Variants in KAZN observed in about 807,000 individuals in gnomAD.
KAZN encodes the protein kazrin, periplakin interacting protein, also known as kazrin.
KAZN carries 40 observed loss-of-function variants against 87.4 expected under a neutral mutation model. The observed-to-expected ratio is 0.46, with a 90% CI of 0.36 to 0.60. The LOEUF (loss-of-function observed/expected upper bound fraction) is 0.60. Ranked by LOEUF, KAZN falls within the 20% of genes least tolerant of loss-of-function variation. KAZN has a pLI of 0.00. For missense variants in KAZN, 898 were observed against 1,073.9 expected (o/e 0.84, Z 2.29); for synonymous variants, 466 against 458.3 (o/e 1.02, Z -0.22).
intron 2 of KAZN, among the ~76,000 whole-genome samples, chr1:14,227,145 T>G (rs1647363379): frequency 6.6e-6 from 1 of 152,180 alleles, no homozygotes; most frequent in East Asian, 1.9e-4. Context: ...TTTGTGAGTA[T>G]GACAACCTCA....
chr1:14,765,629 C>T (rs1017211969), intron 1 of KAZN, among the ~76,000 whole-genome samples: 4 of 152,158 alleles, frequency 2.6e-5, no homozygotes, highest in African/African-American at 7.2e-5. Flanking sequence ...CTGGTGCCTG[C>T]GAATGGAGAA....
intron 1 of KAZN, among the ~76,000 whole-genome samples, chr1:14,672,498 T>C (rs1639974634): frequency 6.6e-6 from 1 of 152,172 alleles, no homozygotes; most frequent in Non-Finnish European, 1.5e-5. Flanking sequence ...CGAGGATCAT[T>C]GAAAGCTCAG....
At chr1:14,921,359 C>T (rs544586526) in intron 1 of KAZN, among the ~76,000 whole-genome samples, 26 of 152,248 alleles carry the variant, frequency 1.7e-4, no homozygotes, top group African/African-American at 6.0e-4. Context: ...TCCCTGGTGG[C>T]CAATGGGCTA....
chr1:14,829,298 T>C (rs1646987447), intron 1 of KAZN, among the ~76,000 whole-genome samples: 1 of 152,216 alleles, frequency 6.6e-6, no homozygotes, highest in African/African-American at 2.4e-5. Flanking sequence ...CTAGTGGATA[T>C]GAGAAATTGT....
At chr1:14,196,671 A>G (rs1294105481) in intron 2 of KAZN, among the ~76,000 whole-genome samples, 7 of 151,870 alleles carry the variant, frequency 4.6e-5, no homozygotes, top group Non-Finnish European at 1.0e-4. Flanking sequence ...ATGCTGGGAG[A>G]CCTCCAAGTA....
intron 1 of KAZN, among the ~76,000 whole-genome samples, chr1:14,139,462 A>T (rs2101760305): frequency 6.6e-6 from 1 of 152,366 alleles, no homozygotes. Flanking sequence ...TAGCTCAGAC[A>T]CTGCCTCTTT....
chr1:14,134,969 GCACACACACACACA>G (rs35930772), intron 1 of KAZN, among the ~76,000 whole-genome samples: 3 of 99,000 alleles, frequency 3.0e-5, no homozygotes, highest in South Asian at 3.4e-4. Flanking sequence ...ATATGCACCC[GCACACACACACACA>G]CACACACACA....
At chr1:13,899,994 A>G (rs973708323) in intron 1 of KAZN, among the ~76,000 whole-genome samples, 2 of 151,944 alleles carry the variant, frequency 1.3e-5, no homozygotes, top group African/African-American at 4.8e-5. Flanking sequence ...TAAGATATTG[A>G]CGCATCTGTT....
chr1:15,066,308 G>A lies in KAZN; in HGVS notation c.1222+555G>A, dbSNP rs570292487. On this transcript the variant is annotated intron_variant, in intron 8 of 14. Transcript: ENST00000376030. The surrounding 1 kb of genome is among the most constrained non-coding windows in gnomAD (Gnocchi z 4.3). ...CTACTCCTGGAGCCCGTCTGGCAGAGGATGTGGTCTGTTTTTGATGTCCCC... is the reference window on the plus strand; with the variant it reads ...CTACTCCTGGAGCCCGTCTGGCAGAAGATGTGGTCTGTTTTTGATGTCCCC... The A allele has an allele frequency of 3.3e-5, 33 of 986,020 alleles. No individual in the cohort carries two copies. In the African/African-American group the frequency reaches 5.4e-4, roughly 16 times the overall value. 61.1% of individuals were successfully genotyped at this position (986,020 alleles called of 1,614,324 possible).
intron 2 of KAZN, among the ~76,000 whole-genome samples, chr1:14,353,294 GGCTCACT>G (rs1194765807): frequency 2.7e-5 from 4 of 148,982 alleles, no homozygotes; most frequent in Non-Finnish European, 5.9e-5. Context: ...GCGCGATCTT[GGCTCACT>G]GCAAGCTCTG....
chr1:15,110,542 TA>T (rs1641562366), intron 13 of KAZN, among the ~76,000 whole-genome samples: 2 of 41,278 alleles, frequency 4.8e-5, no homozygotes, highest in African/African-American at 2.1e-4. Flanking sequence ...TGTGTGTGCA[TA>T]TGTGTTTGTG....
chr1:14,439,362 T>G (rs1666573055), intron 2 of KAZN, among the ~76,000 whole-genome samples: 1 of 152,166 alleles, frequency 6.6e-6, no homozygotes, highest in South Asian at 2.1e-4. Context: ...TGAGCCACCA[T>G]TAGTGATTGT....
At chr1:14,123,809 A>G (rs1644801653) in intron 1 of KAZN, among the ~76,000 whole-genome samples, 1 of 151,572 alleles carries the variant, frequency 6.6e-6, no homozygotes, top group Non-Finnish European at 1.5e-5. Flanking sequence ...TGGGTCAAAC[A>G]CACACCCCTG....
At chr1:14,033,937 T>C (rs1641433155) in intron 1 of KAZN, among the ~76,000 whole-genome samples, 1 of 152,200 alleles carries the variant, frequency 6.6e-6, no homozygotes, top group East Asian at 1.9e-4. Flanking sequence ...CATGCTTCCC[T>C]GGAGCTGAGA....
intron 4 of KAZN, among the ~76,000 whole-genome samples, chr1:15,048,793 A>C (rs112766990): frequency 2.4e-5 from 2 of 82,398 alleles, no homozygotes; most frequent in Non-Finnish European, 4.7e-5. Context: ...ATCCTTGGTC[A>C]TTGGTCCTGA....
chr1:14,975,047 G>T (rs756653914), intron 2 of KAZN, among the ~76,000 whole-genome samples: 3 of 152,220 alleles, frequency 2.0e-5, no homozygotes, highest in Non-Finnish European at 4.4e-5. Flanking sequence ...CATCAGTGGG[G>T]TGGCCTCTGG....
At chr1:14,727,873 A>C (rs1643478714) in intron 1 of KAZN, among the ~76,000 whole-genome samples, 1 of 152,134 alleles carries the variant, frequency 6.6e-6, no homozygotes, top group Non-Finnish European at 1.5e-5. Context: ...GCAACTAGAC[A>C]GTCTCATCGA....
intron 2 of KAZN, among the ~76,000 whole-genome samples, chr1:14,531,346 A>G (rs541153855): frequency 2.6e-5 from 4 of 152,338 alleles, no homozygotes; most frequent in Non-Finnish European, 5.9e-5. Context: ...AGATTACCCA[A>G]GTAAGCCAAC....
chr1:14,896,982 G>A (rs922408793), intron 1 of KAZN, among the ~76,000 whole-genome samples: 22 of 152,096 alleles, frequency 1.4e-4, no homozygotes, highest in African/African-American at 5.3e-4. Context: ...TCATCTGTAA[G>A]TACTAAACAC....
Sources: allele counts gnomAD v4.1 joint callset (sites outside exome capture counted in the v4.1 genomes callset), GRCh38; gene constraint gnomAD v4.1.1; non-coding constraint Gnocchi (gnomAD v3.1); transcripts MANE v1.5; gene names NCBI Gene and HGNC (gene_info 2026-07-23, HGNC 2026-07-21).